The following CSMD1 variants were observed in gnomAD, a reference collection of about 807,000 sequenced individuals.
CSMD1 encodes the protein CUB and Sushi multiple domains 1.
A neutral mutation model predicts 417.5 loss-of-function variants in CSMD1; 213 were observed. The observed-to-expected ratio is 0.51, with a 90% confidence interval of 0.46 to 0.57. CSMD1 has a LOEUF of 0.57. Ranked by LOEUF, CSMD1 falls within the 20% of genes least tolerant of loss-of-function variation. CSMD1 has a pLI of 0.00. For missense variants in CSMD1, 6,923 were observed against 4,529.7 expected, an observed-to-expected ratio of 1.53 and a Z score of -15.17; for synonymous variants, 2,862 against 1,736.8, an observed-to-expected ratio of 1.65 and a Z score of -16.11.
rs1344270492 is a variant in CSMD1 at position 3,558,304 on chromosome 8, T to TCCAC, written c.1344+16640_1344+16641insGTGG. 1.9e-4 allele frequency among the ~76,000 whole-genome samples: 27 copies of TCCAC among 144,394 alleles called. No homozygotes were observed. The South Asian group carries it at 2.4e-3, about 13-fold the overall frequency. 94.7% of individuals were successfully genotyped at this position (144,394 alleles called of 152,430 possible). Reference sequence around the variant, plus strand: ...AATGGTGCCTCAATGGAACTCCGTGTTCACTCCTCCAATGATGAATGATGC... The same window carrying TCCAC: ...AATGGTGCCTCAATGGAACTCCGTGTCCACTCACTCCTCCAATGATGAATGATGC... On this transcript the variant is annotated intron_variant, in intron 10 of 69. Transcript: ENST00000635120.
chr8:3,896,142 T>C lies in CSMD1; in HGVS notation c.818+101761A>G, dbSNP rs547246255. 2.2e-3 allele frequency among the ~76,000 whole-genome samples: 332 copies of C among 152,302 alleles called. 1 individual carries two copies. The highest frequency in any genetic ancestry group is 7.6e-3 in the African/African-American group (315 of 41,566). ...TGGGGCTTGAGTAACAAGCCCAATT[T>C]GATTCAGTCAATGTAATGATTAAGA... On this transcript the variant is annotated intron_variant, in intron 5 of 69. Transcript: ENST00000635120.
intron 3 of CSMD1, among the ~76,000 whole-genome samples, chr8:4,342,473 A>C (rs1800535816): frequency 6.6e-6 from 1 of 152,092 alleles, no homozygotes; most frequent in African/African-American, 2.4e-5. Context: ...AAACTGGCAG[A>C]AAAAGCACAG....
intron 5 of CSMD1, among the ~76,000 whole-genome samples, chr8:3,813,102 T>C (rs1801175142): frequency 6.6e-6 from 1 of 151,876 alleles, no homozygotes; most frequent in Non-Finnish European, 1.5e-5. Context: ...TTTTTTTTTT[T>C]TTTTTTTTAA....
chr8:3,853,802 TG>T (rs1190546886), intron 5 of CSMD1, among the ~76,000 whole-genome samples: 1 of 151,168 alleles, frequency 6.6e-6, no homozygotes, highest in Non-Finnish European at 1.5e-5. Flanking sequence ...CACACCAACA[TG>T]GCACATGTAT....
chr8:3,937,570 G>A (rs1224783120), intron 5 of CSMD1, among the ~76,000 whole-genome samples: 4 of 152,132 alleles, frequency 2.6e-5, no homozygotes, highest in Non-Finnish European at 5.9e-5. Flanking sequence ...AGAATGCAGT[G>A]TCATGTAAAT....
At chr8:3,293,734 T>G (rs1057466527) in intron 25 of CSMD1, among the ~76,000 whole-genome samples, 1 of 152,176 alleles carries the variant, frequency 6.6e-6, no homozygotes, top group Non-Finnish European at 1.5e-5. Context: ...TCGTTTAATT[T>G]TTTTTACAAG....
At position 4,342,764 on chromosome 8, in the gene CSMD1, G is replaced by C. The variant is rs191958044; in HGVS notation, c.415+77189C>G. Among the ~76,000 whole-genome samples the C allele has an allele frequency of 3.4e-3, 511 of 152,020 alleles. 3 individuals are homozygous for C. The highest frequency in any genetic ancestry group is 0.012 in the African/African-American group (487 of 41,468). ...AGGCTTGCAGAAGACGTGTTAAAAA[G>C]AAAAATAATACAAGCTCAAGGGACT... On this transcript the variant is annotated intron_variant, in intron 3 of 69. Transcript: ENST00000635120.
chr8:4,742,126 G>T (rs993420926), intron 1 of CSMD1, among the ~76,000 whole-genome samples: 1 of 141,202 alleles, frequency 7.1e-6, no homozygotes, highest in Non-Finnish European at 1.5e-5. Flanking sequence ...CGCTTCCCGG[G>T]TTCACGCCAT....
chr8:4,764,596 T>TA (rs933397301), intron 1 of CSMD1, among the ~76,000 whole-genome samples: 1 of 151,896 alleles, frequency 6.6e-6, no homozygotes, highest in Non-Finnish European at 1.5e-5. Context: ...TACTGTTTTC[T>TA]AAAAAAGAGT....
intron 5 of CSMD1, among the ~76,000 whole-genome samples, chr8:3,919,267 G>C (rs1422061165): frequency 6.6e-6 from 1 of 151,250 alleles, no homozygotes; most frequent in East Asian, 1.9e-4. Context: ...TTTTCTTCTA[G>C]GAGTTTTGCG....
intron 5 of CSMD1, among the ~76,000 whole-genome samples, chr8:3,845,651 T>A (rs564006620): frequency 6.6e-6 from 1 of 152,090 alleles, no homozygotes; most frequent in Non-Finnish European, 1.5e-5. Context: ...CATTTAAACA[T>A]TTTTTTGTCT....
intron 7 of CSMD1, among the ~76,000 whole-genome samples, chr8:3,669,205 G>A (rs80301759): frequency 0.011 from 1,643 of 152,296 alleles, 32 homozygotes; most frequent in African/African-American, 0.038. Context: ...AAGGCTAGGA[G>A]CATAAATTCA....
chr8:4,146,498 C>G (rs920342253), intron 3 of CSMD1, among the ~76,000 whole-genome samples: 1 of 147,332 alleles, frequency 6.8e-6, no homozygotes, highest in Admixed American at 6.8e-5. Flanking sequence ...GTTCCTCAGA[C>G]GTTGTGATGT....
At chr8:3,393,938 T>C (rs1397125878) in intron 17 of CSMD1, among the ~76,000 whole-genome samples, 1 of 143,228 alleles carries the variant, frequency 7.0e-6, no homozygotes, top group East Asian at 2.1e-4. Flanking sequence ...TGTATACATA[T>C]GTAACAAACC....
At chr8:3,832,328 T>C (rs1021661168) in intron 5 of CSMD1, among the ~76,000 whole-genome samples, 2 of 152,340 alleles carry the variant, frequency 1.3e-5, no homozygotes, top group South Asian at 2.1e-4. Flanking sequence ...TGTTCCTTGT[T>C]CAAAATATAT....
intron 3 of CSMD1, among the ~76,000 whole-genome samples, chr8:4,383,525 T>C (rs1478143054): frequency 6.6e-6 from 1 of 152,174 alleles, no homozygotes; most frequent in Non-Finnish European, 1.5e-5. Flanking sequence ...GCCCTGGCTA[T>C]TGCAGACAGG....
At chr8:4,182,055 T>C (rs1275537718) in intron 3 of CSMD1, among the ~76,000 whole-genome samples, 3 of 151,938 alleles carry the variant, frequency 2.0e-5, no homozygotes, top group Non-Finnish European at 4.4e-5. Context: ...GGTGTGTGTG[T>C]GTGTGTATAC....
intron 2 of CSMD1, among the ~76,000 whole-genome samples, chr8:4,494,072 A>T (rs1322849815): frequency 6.6e-6 from 1 of 152,218 alleles, no homozygotes; most frequent in Non-Finnish European, 1.5e-5. Context: ...CATCCTATCT[A>T]GTGGACAACA....
At chr8:4,923,749 G>A (rs752858135) in intron 1 of CSMD1, among the ~76,000 whole-genome samples, 3 of 152,094 alleles carry the variant, frequency 2.0e-5, no homozygotes, top group African/African-American at 7.2e-5. Context: ...AGGAACCTTG[G>A]AAAGGTCATT....
Sources: allele counts gnomAD v4.1 joint callset (sites outside exome capture counted in the v4.1 genomes callset), GRCh38; gene constraint gnomAD v4.1.1; transcripts MANE v1.5; gene names NCBI Gene and HGNC (gene_info 2026-07-23, HGNC 2026-07-21).